Variants in FRY observed in about 807,000 individuals in gnomAD.
FRY encodes the protein FRY microtubule binding protein, also known as protein furry homolog.
A neutral mutation model predicts 348.4 loss-of-function variants in FRY; 128 were observed. That is an observed-to-expected ratio of 0.37 (90% CI 0.32 to 0.43). The LOEUF is 0.43. Ranked by LOEUF, FRY falls within the 20% of genes least tolerant of loss-of-function variation. The probability of loss-of-function intolerance (pLI) is 1.00; values close to 1 mark genes in which losing one functional copy is unlikely to be tolerated. For synonymous variants in FRY, 1,370 were observed against 1,374.7 expected (o/e 1.00, Z 0.08); for missense variants, 2,736 against 3,695.2 (o/e 0.74, Z 6.73).
intron 34 of FRY, among the ~76,000 whole-genome samples, chr13:32,211,693 TA>T (rs1205853804): frequency 6.6e-6 from 1 of 152,144 alleles, no homozygotes; most frequent in Non-Finnish European, 1.5e-5. Context: ...CCCCCAAAAG[TA>T]TTATCACTTT....
At chr13:32,241,608 T>C (rs1886506223) in intron 46 of FRY, among the ~76,000 whole-genome samples, 1 of 152,212 alleles carries the variant, frequency 6.6e-6, no homozygotes, top group Non-Finnish European at 1.5e-5. Flanking sequence ...GTGAATGTAC[T>C]TGAGAAAACA....
At chr13:32,131,372 GT>G (rs981027666) in intron 7 of FRY, among the ~76,000 whole-genome samples, 100 of 152,296 alleles carry the variant, frequency 6.6e-4, no homozygotes, top group African/African-American at 2.1e-3. Flanking sequence ...AGGAAATGGG[GT>G]TTTTTGTGAT....
chr13:32,152,873 T>C (rs1247022482), intron 14 of FRY, among the ~76,000 whole-genome samples: 1 of 152,124 alleles, frequency 6.6e-6, no homozygotes, highest in Non-Finnish European at 1.5e-5. Flanking sequence ...GACAAATGAC[T>C]TCCATCTGAA....
intron 58 of FRY, among the ~76,000 whole-genome samples, chr13:32,281,558 A>T (rs150968160): frequency 6.6e-6 from 1 of 152,186 alleles, no homozygotes; most frequent in Non-Finnish European, 1.5e-5. Flanking sequence ...GGTGTTTCCA[A>T]TGTTTTTGCA....
At chr13:32,050,734 A>G (rs1000842052) in intron 1 of FRY, among the ~76,000 whole-genome samples, 2 of 152,182 alleles carry the variant, frequency 1.3e-5, no homozygotes, top group Non-Finnish European at 2.9e-5. Context: ...GACACTGACT[A>G]CTTCAGAATG....
intron 1 of FRY, among the ~76,000 whole-genome samples, chr13:32,057,943 G>C (rs981272585): frequency 4.1e-5 from 6 of 147,920 alleles, no homozygotes; most frequent in Admixed American, 3.4e-4. Flanking sequence ...CTGGGCAACA[G>C]AGCGAGACTC....
At chr13:32,143,678 T>G (rs928787879) in intron 11 of FRY, among the ~76,000 whole-genome samples, 1 of 152,160 alleles carries the variant, frequency 6.6e-6, no homozygotes, top group African/African-American at 2.4e-5. Context: ...AAATATAAAC[T>G]GTTATATATA....
chr13:32,044,447 A>G (rs903780653), intron 1 of FRY, among the ~76,000 whole-genome samples: 2 of 152,212 alleles, frequency 1.3e-5, no homozygotes, highest in African/African-American at 2.4e-5. Context: ...GCACTCTCTC[A>G]TTTAAACTTC....
chr13:32,239,331 A>C lies in FRY; in HGVS notation c.6498A>C (p.Ile2166=), dbSNP rs1886383376. 1 of 1,603,476 alleles carries C rather than the reference A, an allele frequency of 6.2e-7. No homozygotes were observed. Among genetic ancestry groups the C allele is most frequent in the African/African-American group, 1.3e-5 (1 of 74,706 alleles). The change falls in exon 45 of 61, where the codon ATA becomes ATC. Residue 2166 remains isoleucine (I), a synonymous_variant. Coordinates refer to ENST00000542859, the MANE Select transcript of FRY (RefSeq NM_023037.3). The surrounding 1 kb of genome is among the most constrained non-coding windows in gnomAD (Gnocchi z 4.3). The part of the protein sequence containing the change: ...FENPNQFCKD[I]AERIAQVCLE... ...ATCCCAATCAGTTCTGTAAGGATATAGCCGAAAGGATTGCTCAGGTATGAG... is the reference window on the plus strand; with the variant it reads ...ATCCCAATCAGTTCTGTAAGGATATCGCCGAAAGGATTGCTCAGGTATGAG...
At chr13:32,213,215 C>T (rs1421599556) in intron 35 of FRY, among the ~76,000 whole-genome samples, 1 of 152,142 alleles carries the variant, frequency 6.6e-6, no homozygotes, top group Non-Finnish European at 1.5e-5. Flanking sequence ...CCAGTAAGCC[C>T]ACAGTGCTTC....
chr13:32,042,894 C>G (rs1444707666), intron 1 of FRY, among the ~76,000 whole-genome samples: 1 of 152,166 alleles, frequency 6.6e-6, no homozygotes, highest in East Asian at 1.9e-4. Flanking sequence ...TTATACCTGC[C>G]ACCTGAACAA....
chr13:32,260,597 G>A (rs1276737574), intron 51 of FRY, among the ~76,000 whole-genome samples: 1 of 152,168 alleles, frequency 6.6e-6, no homozygotes, highest in Non-Finnish European at 1.5e-5. Flanking sequence ...ATTTGGGGCC[G>A]GGTGCAGTGG....
chr13:32,268,492 AAAAAAAAAAAAAAATATATAT>A lies in FRY; in HGVS notation c.8136+1135_8136+1155del, dbSNP rs1303557806. On this transcript the variant is annotated intron_variant, in intron 55 of 60. Coordinates refer to ENST00000542859, the MANE Select transcript of FRY (RefSeq NM_023037.3). ...GTTAAAGAGAAAGCTAGTTTAAAAA[AAAAAAAAAAAAAAATATATAT>A]ATATATATATATATATATATATATA... 5.1e-4 allele frequency among the ~76,000 whole-genome samples: 8 copies of A among 15,740 alleles called. 1 individual carries two copies. The highest frequency in any genetic ancestry group is 1.4e-3 in the African/African-American group (8 of 5,784). 10.3% of individuals were successfully genotyped at this position (15,740 alleles called of 152,430 possible).
intron 1 of FRY, among the ~76,000 whole-genome samples, chr13:32,072,182 G>A (rs1874702825): frequency 6.6e-6 from 1 of 152,208 alleles, no homozygotes. Context: ...GAATTAAAGT[G>A]TAAGTGAAAG....
At chr13:32,162,386 C>A (rs1881500118) in intron 17 of FRY, among the ~76,000 whole-genome samples, 1 of 152,158 alleles carries the variant, frequency 6.6e-6, no homozygotes, top group Non-Finnish European at 1.5e-5. Context: ...ACTTCCACCC[C>A]ACATGGCTGC....
At chr13:32,209,146 TCCATC>T in intron 32 of FRY, 37 bp downstream of exon 32, 1 of 1,612,720 alleles carries the variant, frequency 6.2e-7, no homozygotes, top group Middle Eastern at 1.7e-4. Context: ...ATAGCATGGC[TCCATC>T]ATCAGAAAAA....
In FRY at chr13:32,149,825, C is replaced by A; in HGVS notation, c.1470C>A (p.Leu490=). 1 of 1,596,182 alleles carries A rather than the reference C, an allele frequency of 6.3e-7. No homozygotes were observed. The highest frequency in any genetic ancestry group is 8.6e-7 in the Non-Finnish European group (1 of 1,163,650). Residue 490 remains leucine, a synonymous_variant, in exon 14 of 61, where the codon CTC becomes CTA. Transcript: ENST00000542859. ...CVGKPAKAFS[L]NPERMNIGLR... ...GAAAACCAGCAAAAGCATTCAGTCT[C>A]AACCCAGAGGTATGAATGATCCTTT... is the stretch of plus-strand genomic sequence containing the variant.
chr13:32,269,457 G>A (rs1467541147), intron 55 of FRY, among the ~76,000 whole-genome samples: 1 of 152,170 alleles, frequency 6.6e-6, no homozygotes, highest in East Asian at 1.9e-4. Flanking sequence ...TTGGGAGGCC[G>A]AGGTGGGAGG....
intron 57 of FRY, among the ~76,000 whole-genome samples, chr13:32,277,333 T>C (rs373223462): frequency 6.6e-5 from 10 of 152,366 alleles, no homozygotes; most frequent in African/African-American, 2.4e-4. Context: ...TTGGTAATAA[T>C]AACTAATTTG....
Sources: allele counts gnomAD v4.1 joint callset (sites outside exome capture counted in the v4.1 genomes callset), GRCh38; gene constraint gnomAD v4.1.1; non-coding constraint Gnocchi (gnomAD v3.1); transcripts MANE v1.5; gene names NCBI Gene and HGNC (gene_info 2026-07-23, HGNC 2026-07-21).